TRAPPC10: variants seen among roughly 807,000 people sequenced by gnomAD.
TRAPPC10 encodes trafficking protein particle complex subunit 10.
In TRAPPC10, 23 loss-of-function variants were observed where a neutral mutation model predicts 125.5. That is an observed-to-expected ratio of 0.18 (90% CI 0.13 to 0.26). TRAPPC10 has a LOEUF of 0.26. TRAPPC10 is among the 10% of genes least tolerant of loss of function. The pLI, the probability that TRAPPC10 is intolerant of heterozygous loss-of-function variation, is 1.00. For synonymous variants in TRAPPC10, 509 were observed against 518.0 expected, an observed-to-expected ratio of 0.98 and a Z score of 0.24; for missense variants, 1,123 against 1,308.4, an observed-to-expected ratio of 0.86 and a Z score of 2.19.
In TRAPPC10 at chr21:44,063,406, G is replaced by T; in HGVS notation, c.791-132G>T. 1 of 1,353,478 alleles carries T rather than the reference G, an allele frequency of 7.4e-7. No individual in the cohort carries two copies. The highest frequency in any genetic ancestry group is 2.1e-5 in the Admixed American group (1 of 48,586). 83.8% of individuals were successfully genotyped at this position (1,353,478 alleles called of 1,614,324 possible). On this transcript the variant is annotated intron_variant, in intron 6 of 22. Coordinates refer to ENST00000291574, the MANE Select transcript of TRAPPC10 (RefSeq NM_003274.5). This position sits in a 1 kb window ranked among gnomAD's most constrained non-coding sequence, Gnocchi z 4.4. ...GAGCCGAATGCATCACTAGACCACAGGGGGTGGGCCAGTGTTCATAGAAAA... is the reference window on the plus strand; with the variant it reads ...GAGCCGAATGCATCACTAGACCACATGGGGTGGGCCAGTGTTCATAGAAAA...
rs964855262 is a variant in TRAPPC10 at position 44,091,763 on chromosome 21, T to G, written c.2871-160T>G. ...AAAAAGGTTTATTTTCTGGCACTTT[T>G]CGGTGTGAAATCTGAAGGGAAACTT... On this transcript the variant is annotated intron_variant, in intron 18 of 22. Transcript: ENST00000291574. 5.7e-6 allele frequency: 4 copies of G among 696,614 alleles called. No individual in the cohort carries two copies. In the Admixed American group the frequency reaches 9.0e-5, roughly 16 times the overall value. The allele number at this position is 696,614 out of a possible 1,614,324, so 43.2% of individuals were successfully genotyped here.
In TRAPPC10 at chr21:44,058,748, C is replaced by T. The variant is rs116178038; in HGVS notation, c.679-355C>T. Among the ~76,000 whole-genome samples the T allele has an allele frequency of 2.2e-3, 333 of 152,240 alleles. 1 individual carries two copies. The highest frequency in any genetic ancestry group is 7.7e-3 in the African/African-American group (318 of 41,542). Reference sequence around the variant, plus strand: ...CCCTGCGGCCTCCAGCAGAGAGCCTCGGGGAGCGAGAGGAACCAGCCGTCT... The same window carrying T: ...CCCTGCGGCCTCCAGCAGAGAGCCTTGGGGAGCGAGAGGAACCAGCCGTCT... On this transcript the variant is annotated intron_variant, in intron 5 of 22. Coordinates refer to ENST00000291574, the MANE Select transcript of TRAPPC10 (RefSeq NM_003274.5).
rs528259982 is a variant in TRAPPC10, at chr21:44,020,059, A to AT, written c.67+7511dup. On this transcript the variant is annotated intron_variant, in intron 1 of 22. Coordinates refer to ENST00000291574, the MANE Select transcript of TRAPPC10 (RefSeq NM_003274.5). ...ATATTATTTTAGGCCCCTGTTTGCA[A>AT]TTTTTTTTTTTTAACAGTGACCAGG... is the stretch of plus-strand genomic sequence containing the variant. 1.2e-3 allele frequency among the ~76,000 whole-genome samples: 166 copies of AT among 141,762 alleles called. 1 individual carries two copies. In the Middle Eastern group the frequency reaches 0.022, roughly 19 times the overall value. 93.0% of individuals were successfully genotyped at this position (141,762 alleles called of 152,430 possible).
intron 17 of TRAPPC10, chr21:44,088,298 CAT>C (rs146634685): frequency 4.2e-6 from 1 of 238,350 alleles, no homozygotes; most frequent in Non-Finnish European, 8.3e-6. Context: ...CACTGAAACT[CAT>C]AAGCTCAGCC....
intron 3 of TRAPPC10, among the ~76,000 whole-genome samples, chr21:44,047,529 A>AGTGTGT (rs775813570): frequency 0.05 from 5,219 of 104,330 alleles, 115 homozygotes; most frequent in Non-Finnish European, 0.061. Flanking sequence ...TCTCTGGGGG[A>AGTGTGT]GTATGTGTGT....
chr21:44,016,601 A>AG (rs2031867554), intron 1 of TRAPPC10, among the ~76,000 whole-genome samples: 2 of 152,236 alleles, frequency 1.3e-5, no homozygotes, highest in African/African-American at 4.8e-5. Flanking sequence ...GCAGATATGT[A>AG]GAGCTTCGTG....
chr21:44,041,343 A>G (rs887660102), intron 3 of TRAPPC10, among the ~76,000 whole-genome samples: 1 of 151,444 alleles, frequency 6.6e-6, no homozygotes, highest in African/African-American at 2.4e-5. Context: ...AAGTTGTAAA[A>G]CTTACTTTCA....
intron 3 of TRAPPC10, among the ~76,000 whole-genome samples, chr21:44,047,532 A>ATGTGTG (rs33940679): frequency 0.015 from 2,087 of 142,888 alleles, 32 homozygotes; most frequent in African/African-American, 0.032. Context: ...CTGGGGGAGT[A>ATGTGTG]TGTGTGTGTG....
At chr21:44,048,482 G>A (rs1039653452) in intron 3 of TRAPPC10, among the ~76,000 whole-genome samples, 2 of 151,916 alleles carry the variant, frequency 1.3e-5, no homozygotes, top group Non-Finnish European at 2.9e-5. Context: ...TTTTGTTTTG[G>A]TTTTTGTTTG....
intron 7 of TRAPPC10, among the ~76,000 whole-genome samples, chr21:44,072,530 C>T (rs1044487940): frequency 1.3e-5 from 2 of 152,204 alleles, no homozygotes; most frequent in Non-Finnish European, 2.9e-5. Context: ...ATGGCATGAT[C>T]TTGGCTCACC....
Position 44,082,160 on chromosome 21 carries a change from A to G in TRAPPC10, c.1724-628A>G, listed in dbSNP as rs573902889. Among the ~76,000 whole-genome samples the G allele has an allele frequency of 2.1e-4, 32 of 152,346 alleles. No individual in the cohort carries two copies. The highest frequency in any genetic ancestry group is 7.7e-4 in the African/African-American group (32 of 41,574). ...TTGATGAATATTTAATAAATACTTA[A>G]CTGGTCACTTCTGCAGCCTTGTGTA... On this transcript the variant is annotated intron_variant, in intron 13 of 22. Coordinates refer to ENST00000291574, the MANE Select transcript of TRAPPC10 (RefSeq NM_003274.5). The surrounding 1 kb of genome is among the most constrained non-coding windows in gnomAD (Gnocchi z 4.4).
At chr21:44,077,830 C>T (rs1357472325) in intron 11 of TRAPPC10, 46 bp downstream of exon 11, 3 of 1,420,128 alleles carry the variant, frequency 2.1e-6, no homozygotes, top group African/African-American at 2.8e-5. Context: ...ATACAAATAA[C>T]ACGAGAAGAT....
rs147187216 is a variant in TRAPPC10 at position 44,065,665 on chromosome 21, C to A, written c.1038+1880C>A. 3.2e-3 allele frequency among the ~76,000 whole-genome samples: 482 copies of A among 152,230 alleles called. 2 individuals are homozygous for A. Among genetic ancestry groups the A allele is most frequent in the African/African-American group, 0.011 (449 of 41,522 alleles). Reference sequence around the variant, plus strand: ...CTTCTGATGCACACAGCTGGCTGCGCCTCCTTACATGCGCTGTGCCTGTCG... The same window carrying A: ...CTTCTGATGCACACAGCTGGCTGCGACTCCTTACATGCGCTGTGCCTGTCG... On this transcript the variant is annotated intron_variant, in intron 7 of 22. Transcript: ENST00000291574.
At chr21:44,095,460 ACTCT>A (rs2038869260) in intron 20 of TRAPPC10, among the ~76,000 whole-genome samples, 1 of 151,064 alleles carries the variant, frequency 6.6e-6, no homozygotes, top group Non-Finnish European at 1.5e-5. Flanking sequence ...CTGGTCTCAA[ACTCT>A]CTACCTCAGG....
In TRAPPC10 at chr21:44,059,781, G is replaced by GT. The variant is rs1220797239; in HGVS notation, c.790+570dup. The GT allele has an allele frequency of 5.1e-6, 2 of 395,842 alleles. No homozygotes were observed. Among genetic ancestry groups the GT allele is most frequent in the African/African-American group, 4.1e-5 (2 of 49,104 alleles). 24.5% of individuals were successfully genotyped at this position (395,842 alleles called of 1,614,324 possible). On this transcript the variant is annotated intron_variant, in intron 6 of 22. Coordinates refer to ENST00000291574, the MANE Select transcript of TRAPPC10 (RefSeq NM_003274.5). The surrounding 1 kb of genome is among the most constrained non-coding windows in gnomAD (Gnocchi z 4.4). ...GAAAGTGATACCACGTTATATAGCT[G>GT]TTTCTCTGTCGCTCCTTTTTGTTAC...
Position 44,048,293 on chromosome 21 carries a change from CAG to C in TRAPPC10, c.286-3986_286-3985del, listed in dbSNP as rs1156452145. ...TGGCCTGGGCTCTGTGTCCTCAACT[CAG>C]GGAGTCTGCCAGCTTCCCCTCTGTC... On this transcript the variant is annotated intron_variant, in intron 3 of 22. Transcript: ENST00000291574. 9.9e-5 allele frequency among the ~76,000 whole-genome samples: 15 copies of C among 152,278 alleles called. 1 individual carries two copies. Among genetic ancestry groups the C allele is most frequent in the African/African-American group, 3.6e-4 (15 of 41,554 alleles).
rs553431429 is a variant in TRAPPC10, at chr21:44,087,109, A to G, written c.2539+149A>G. ...TGTTCCATAGGAGCCCTGCGGCCTG[A>G]TGCCTGTGCTGGGGTCCCATCTGAG... On this transcript the variant is annotated intron_variant, in intron 16 of 22. Transcript: ENST00000291574. The surrounding 1 kb of genome is among the most constrained non-coding windows in gnomAD (Gnocchi z 4.6). The G allele has an allele frequency of 2.3e-5, 20 of 881,436 alleles. No individual in the cohort carries two copies. The African/African-American group carries it at 3.2e-4, about 14-fold the overall frequency. 54.6% of individuals were successfully genotyped at this position (881,436 alleles called of 1,614,324 possible).
intron 1 of TRAPPC10, among the ~76,000 whole-genome samples, chr21:44,018,197 A>G (rs2147133025): frequency 6.6e-6 from 1 of 151,524 alleles, no homozygotes; most frequent in East Asian, 1.9e-4. Context: ...ATAATCAAGT[A>G]TGATACAGCT....
intron 1 of TRAPPC10, among the ~76,000 whole-genome samples, chr21:44,015,418 A>T (rs1342875340): frequency 6.6e-6 from 1 of 151,968 alleles, no homozygotes; most frequent in African/African-American, 2.4e-5. Flanking sequence ...ACTTCATTTT[A>T]TTATTATTAT....
Sources: gnomAD v4.1 joint callset for allele counts (sites outside exome capture counted in the v4.1 genomes callset) on GRCh38, gnomAD v4.1.1 for gene constraint, Gnocchi (gnomAD v3.1) non-coding constraint, MANE v1.5 for transcripts, NCBI Gene and HGNC (gene_info 2026-07-23, HGNC 2026-07-21) for gene names.